The following DDX46 variants were observed in gnomAD, a reference collection of about 807,000 sequenced individuals.
DDX46 encodes probable ATP-dependent RNA helicase DDX46.
Under a neutral mutation model 134.9 loss-of-function variants are expected in DDX46, and 30 were observed. That is an observed-to-expected ratio of 0.22 (90% CI 0.17 to 0.30). DDX46 has a LOEUF of 0.30. Ranked by LOEUF, DDX46 falls within the 10% of genes least tolerant of loss-of-function variation. The pLI, the probability that DDX46 is intolerant of heterozygous loss-of-function variation, is 1.00. For synonymous variants in DDX46, 415 were observed against 404.1 expected, an observed-to-expected ratio of 1.03 and a Z score of -0.32; for missense variants, 622 against 1,248.7, an observed-to-expected ratio of 0.50 and a Z score of 7.56.
At chr5:134,823,652 G>A (rs537327296) in intron 21 of DDX46, among the ~76,000 whole-genome samples, 24 of 152,232 alleles carry the variant, frequency 1.6e-4, no homozygotes, top group Non-Finnish European at 3.5e-4. Flanking sequence ...AAATACTTTT[G>A]GTCTGCCAAT....
At chr5:134,811,575 T>C (rs1013604199) in intron 17 of DDX46, 121 bp from the exon 18 acceptor site, 1 of 1,178,280 alleles carries the variant, frequency 8.5e-7, no homozygotes, top group Non-Finnish European at 1.2e-6. Context: ...TTATCTTACA[T>C]GCTAGATGAA....
chr5:134,812,222 G>A (rs1230547623), intron 18 of DDX46, among the ~76,000 whole-genome samples: 10 of 151,352 alleles, frequency 6.6e-5, no homozygotes, highest in South Asian at 2.1e-4. Context: ...CCACCACCAC[G>A]CCTGGCTAAT....
At chr5:134,785,847 G>GTTTTTTTTTTTTTTTTTTTTT (rs59596450) in intron 11 of DDX46, among the ~76,000 whole-genome samples, 1 of 145,784 alleles carries the variant, frequency 6.9e-6, no homozygotes. Context: ...CTCACATCAT[G>GTTTTTTTTTTTTTTTTTTTTT]TTTTTTTTTT....
chr5:134,804,564 G>C (rs1418953736), intron 15 of DDX46, among the ~76,000 whole-genome samples: 2 of 152,030 alleles, frequency 1.3e-5, no homozygotes, highest in African/African-American at 4.8e-5. Context: ...TCAGCCACCC[G>C]AGGAGTTGGG....
chr5:134,787,079 C>T (rs1300542609), intron 11 of DDX46, among the ~76,000 whole-genome samples: 4 of 152,148 alleles, frequency 2.6e-5, no homozygotes, highest in African/African-American at 9.6e-5. Context: ...CATGCTACCA[C>T]ACCCGGCTAG....
In DDX46 at chr5:134,764,065, C is replaced by T; in HGVS notation, c.179C>T (p.Ser60Phe). ...TCTCGTAGCAGGGATAAAAGAAGAT[C>T]TCGGTCAAGGGACAGGAAGCGTCTG... ...ERSRSRDKRR[S>F]RSRDRKRLRR... Residue 60 changes from serine to phenylalanine, a missense_variant, in exon 2 of 23, where the codon TCT becomes TTT. Physicochemically the swap from Ser to Phe is radical, Grantham distance 155. Coordinates refer to ENST00000452510, the MANE Select transcript of DDX46 (RefSeq NM_001300860.2). The T allele has an allele frequency of 3.7e-6, 6 of 1,613,374 alleles. No individual in the cohort carries two copies. The highest frequency in any genetic ancestry group is 5.1e-6 in the Non-Finnish European group (6 of 1,179,738).
intron 19 of DDX46, chr5:134,816,812 AT>A: frequency 1.9e-6 from 1 of 532,262 alleles, no homozygotes; most frequent in Non-Finnish European, 3.2e-6. Flanking sequence ...CTATTCTGGA[AT>A]TTCTAACTGT....
intron 21 of DDX46, among the ~76,000 whole-genome samples, chr5:134,823,435 G>A (rs1366618650): frequency 3.3e-5 from 5 of 152,026 alleles, no homozygotes; most frequent in Non-Finnish European, 4.4e-5. Flanking sequence ...CACCACGCCC[G>A]GCAAATACAG....
chr5:134,804,061 T>C (rs1222560830), intron 15 of DDX46, among the ~76,000 whole-genome samples: 1 of 151,088 alleles, frequency 6.6e-6, no homozygotes, highest in African/African-American at 2.4e-5. Flanking sequence ...GCTTCCTGAA[T>C]AGCTGAGACT....
At chr5:134,805,792 G>A (rs919553064) in intron 15 of DDX46, among the ~76,000 whole-genome samples, 5 of 151,744 alleles carry the variant, frequency 3.3e-5, no homozygotes, top group South Asian at 2.1e-4. Flanking sequence ...CTCGGCCTCC[G>A]AAAGTGCTGG....
chr5:134,777,494 A>G lies in DDX46; in HGVS notation c.614-80A>G, dbSNP rs73790707. The G allele has an allele frequency of 1.2e-4, 180 of 1,511,616 alleles. No individual in the cohort carries two copies. The African/African-American group carries it at 2.2e-3, about 19-fold the overall frequency. 93.6% of individuals were successfully genotyped at this position (1,511,616 alleles called of 1,614,324 possible). ...TGTTTGGGCAGTGGCAGAAAAGGTTAGAGAGGTGGGGTGTGGTCTGATTGT... is the reference window on the plus strand; with the variant it reads ...TGTTTGGGCAGTGGCAGAAAAGGTTGGAGAGGTGGGGTGTGGTCTGATTGT... On this transcript the variant is annotated intron_variant, in intron 5 of 22. Coordinates refer to ENST00000452510, the MANE Select transcript of DDX46 (RefSeq NM_001300860.2).
intron 6 of DDX46, among the ~76,000 whole-genome samples, chr5:134,778,653 A>G (rs1287498378): frequency 1.3e-5 from 2 of 151,988 alleles, no homozygotes; most frequent in East Asian, 3.9e-4. Context: ...GGCTCACTGC[A>G]ACTGCTGCCT....
At chr5:134,799,655 T>A (rs1435898789) in intron 15 of DDX46, among the ~76,000 whole-genome samples, 2 of 151,878 alleles carry the variant, frequency 1.3e-5, no homozygotes, top group Non-Finnish European at 2.9e-5. Context: ...GGAGAATCGC[T>A]TAATCCTGGG....
At chr5:134,795,092 G>A (rs1229204913) in intron 14 of DDX46, 78 bp downstream of exon 14, 2 of 1,530,710 alleles carry the variant, frequency 1.3e-6, no homozygotes, top group African/African-American at 1.4e-5. Flanking sequence ...ATCACTGTTT[G>A]TGAGGTAGGC....
At chr5:134,780,363 C>T (rs1403301580) in intron 6 of DDX46, among the ~76,000 whole-genome samples, 1 of 150,368 alleles carries the variant, frequency 6.7e-6, no homozygotes, top group Non-Finnish European at 1.5e-5. Context: ...GTAAGGAGTT[C>T]GAGACCAGCC....
chr5:134,802,116 A>T (rs182379930), intron 15 of DDX46, among the ~76,000 whole-genome samples: 7 of 141,466 alleles, frequency 4.9e-5, no homozygotes, highest in Non-Finnish European at 4.6e-5. Context: ...GTCTTTTTCA[A>T]CCTTTTTTTT....
At chr5:134,822,235 A>G (rs1249346128) in intron 21 of DDX46, among the ~76,000 whole-genome samples, 1 of 152,132 alleles carries the variant, frequency 6.6e-6, no homozygotes, top group South Asian at 2.1e-4. Context: ...ATTCATAACA[A>G]CGTAGTTCAA....
intron 14 of DDX46, 33 bp downstream of exon 14, chr5:134,795,047 C>G: frequency 3.1e-6 from 5 of 1,610,482 alleles, no homozygotes; most frequent in Non-Finnish European, 4.2e-6. Context: ...TCCCAGTTTC[C>G]TTGATACTTA....
At position 134,783,005 on chromosome 5, in the gene DDX46, A is replaced by C. The variant is rs759655720; in HGVS notation, c.1106A>C (p.Lys369Thr). 6.2e-7 allele frequency: 1 copy of C among 1,613,884 alleles called. No individual in the cohort carries two copies. The highest frequency in any genetic ancestry group is 1.3e-5 in the African/African-American group (1 of 75,040). ...ACAGTTAAAGGAAAAGGTTGCCCCA[A>C]ACCAATTAAATCCTGGGTCCAGTGT... is the stretch of plus-strand genomic sequence containing the variant. ...GITVKGKGCP[K>T]PIKSWVQCGI... The change falls in exon 9 of 23, where the codon AAA becomes ACA. Residue 369 changes from lysine to threonine, a missense_variant. By Grantham distance (78) the Lys-to-Thr change is moderately conservative (BLOSUM62 -1). Around this residue, in one of 8 missense-constraint regions of DDX46, gnomAD observed 63 missense variants for 84.0 expected, o/e 0.75. Transcript: ENST00000452510.
Sources: gnomAD v4.1 joint callset for allele counts (sites outside exome capture counted in the v4.1 genomes callset) on GRCh38, gnomAD v4.1.1 for gene constraint, gnomAD v4.1.1 regional missense constraint, MANE v1.5 for transcripts, NCBI Gene and HGNC (gene_info 2026-07-23, HGNC 2026-07-21) for gene names.